Variants in TMEM254 observed in about 807,000 individuals in gnomAD.
TMEM254 encodes the protein transmembrane protein C10orf57.
In TMEM254, 16 loss-of-function variants were observed where a neutral mutation model predicts 13.9. That is an observed-to-expected ratio of 1.15 (90% CI 0.78 to 1.75). The LOEUF (loss-of-function observed/expected upper bound fraction) is 1.75. Among genes scored for constraint, TMEM254 ranks in the 40% most tolerant of loss-of-function variants. The pLI is 0.00. For missense variants in TMEM254, 155 were observed against 149.0 expected (o/e 1.04, Z -0.21); for synonymous variants, 61 against 56.4 (o/e 1.08, Z -0.36).
chr10:80,081,584 A>G, intron 1 of TMEM254: 1 of 1,125,700 alleles, frequency 8.9e-7, no homozygotes, highest in Non-Finnish European at 1.3e-6. Flanking sequence ...GGGAGGATGG[A>G]TTGAGCCCAG....
intron 1 of TMEM254, among the ~76,000 whole-genome samples, chr10:80,080,679 C>T (rs1843954088): frequency 6.6e-6 from 1 of 152,276 alleles, no homozygotes; most frequent in South Asian, 2.1e-4. Flanking sequence ...TGGTTCACCC[C>T]TGTAATCCCA....
chr10:80,088,035 G>A lies in TMEM254; in HGVS notation c.252-2762G>A, dbSNP rs113774439. Among the ~76,000 whole-genome samples the A allele has an allele frequency of 4.8e-3, 729 of 151,920 alleles. 8 individuals are homozygous for A. The highest frequency in any genetic ancestry group is 0.017 in the African/African-American group (690 of 41,412). On this transcript the variant is annotated intron_variant, in intron 3 of 3. Coordinates refer to ENST00000372281, the MANE Select transcript of TMEM254 (RefSeq NM_025125.4). ...TTTTTCTTTCACATTTAAGTTTTCA[G>A]TCTACTTAGATCTTATTTTTTTTTA...
Position 80,092,167 on chromosome 10 carries a change from C to T in TMEM254, c.*1250C>T, listed in dbSNP as rs1214182008. ...CTGCTTGCTTTCTGGGGACACTAGC[C>T]CTCATTTCCCTTCTGTGGTACAGTG... On this transcript the variant is annotated 3_prime_UTR_variant, in exon 4 of 4. Transcript: ENST00000372281. The T allele has an allele frequency of 6.6e-6, 1 of 152,172 alleles. No homozygotes were observed. Among genetic ancestry groups the T allele is most frequent in the Non-Finnish European group, 1.5e-5 (1 of 68,034 alleles). The allele number at this position is 152,172 out of a possible 1,614,324, so 9.4% of individuals were successfully genotyped here.
Position 80,081,912 on chromosome 10 carries a change from G to C in TMEM254, c.159G>C (p.Leu53Phe). 2 of 1,614,124 alleles carry C rather than the reference G, an allele frequency of 1.2e-6. No individual in the cohort carries two copies. The highest frequency in any genetic ancestry group is 4.5e-5 in the East Asian group (2 of 44,872). ...CCCTGGGCCCCTTCACTCAGTACTTGGTGGACCACCATCACACCCTCCTGT... is the reference window on the plus strand; with the variant it reads ...CCCTGGGCCCCTTCACTCAGTACTTCGTGGACCACCATCACACCCTCCTGT... ...LGPLGPFTQY[L>F]VDHHHTLLCN... The change falls in exon 2 of 4, where the codon TTG becomes TTC. Residue 53 changes from leucine to phenylalanine, a missense_variant. Transcript: ENST00000372281.
chr10:80,079,027 TG>T, intron 1 of TMEM254: 1 of 1,518,606 alleles, frequency 6.6e-7, no homozygotes, highest in Middle Eastern at 1.7e-4. Flanking sequence ...TTTTCTTATA[TG>T]GGGGCGGGGA....
At chr10:80,090,720 T>C (rs754884315) in intron 3 of TMEM254, 77 bp from the exon 4 acceptor site, 16 of 1,381,902 alleles carry the variant, frequency 1.2e-5, no homozygotes, top group African/African-American at 1.0e-4. Flanking sequence ...TTAAAAAATA[T>C]ATATATAGAA....
intron 3 of TMEM254, among the ~76,000 whole-genome samples, chr10:80,087,486 T>TGC (rs1844372279): frequency 1.1e-5 from 1 of 93,426 alleles, no homozygotes; most frequent in Admixed American, 1.0e-4. Context: ...CCACTAAAAA[T>TGC]ACAAAAAAAA....
At chr10:80,086,276 A>G (rs1344313375) in intron 3 of TMEM254, 1 of 1,468,650 alleles carries the variant, frequency 6.8e-7, no homozygotes, top group Non-Finnish European at 9.0e-7. Context: ...AATGAGAACA[A>G]GTTATGATGA....
At chr10:80,081,338 C>G (rs1459691563) in intron 1 of TMEM254, among the ~76,000 whole-genome samples, 3 of 152,084 alleles carry the variant, frequency 2.0e-5, no homozygotes, top group African/African-American at 7.2e-5. Flanking sequence ...CACATACTTT[C>G]CTCAGCATAA....
In TMEM254 at chr10:80,081,884, G is replaced by A. The variant is rs780162934; in HGVS notation, c.131G>A (p.Gly44Glu). 2.5e-6 allele frequency: 4 copies of A among 1,614,112 alleles called. No homozygotes were observed. The highest frequency in any genetic ancestry group is 4.5e-5 in the East Asian group (2 of 44,880). The change falls in exon 2 of 4, where the codon GGG becomes GAG. Residue 44 changes from glycine to glutamate, a missense_variant. By Grantham distance (98) the Gly-to-Glu change is moderately conservative. Coordinates refer to ENST00000372281, the MANE Select transcript of TMEM254 (RefSeq NM_025125.4). ...WPQSIPYQNL[G>E]PLGPFTQYLV... Reference sequence around the variant, plus strand: ...CAGAGTATCCCTTATCAGAACCTTGGGCCCCTGGGCCCCTTCACTCAGTAC... The same window carrying A: ...CAGAGTATCCCTTATCAGAACCTTGAGCCCCTGGGCCCCTTCACTCAGTAC...
chr10:80,081,006 C>T (rs951814359), intron 1 of TMEM254, among the ~76,000 whole-genome samples: 2 of 152,128 alleles, frequency 1.3e-5, no homozygotes, highest in South Asian at 2.1e-4. Context: ...TTTGAATCCG[C>T]GAGGCGGAGG....
intron 1 of TMEM254, chr10:80,079,062 T>G: frequency 6.8e-7 from 1 of 1,465,532 alleles, no homozygotes; most frequent in Non-Finnish European, 9.2e-7. Context: ...CCCAGCCAAC[T>G]CTGTGTCTGG....
chr10:80,080,068 A>G (rs1564566361), intron 1 of TMEM254, among the ~76,000 whole-genome samples: 1 of 152,150 alleles, frequency 6.6e-6, no homozygotes, highest in Non-Finnish European at 1.5e-5. Flanking sequence ...CCATATGTAC[A>G]ATGGAGGTGT....
At chr10:80,086,809 C>G (rs1340660270) in intron 3 of TMEM254, among the ~76,000 whole-genome samples, 1 of 148,094 alleles carries the variant, frequency 6.8e-6, no homozygotes, top group Non-Finnish European at 1.5e-5. Context: ...CGACTGCACT[C>G]CAGCCTGGGC....
intron 3 of TMEM254, chr10:80,086,325 C>A: frequency 2.4e-6 from 3 of 1,227,614 alleles, no homozygotes; most frequent in South Asian, 2.0e-5. Context: ...TAGCCACCAA[C>A]TGTGACCCTT....
chr10:80,080,710 G>A (rs113780883), intron 1 of TMEM254, among the ~76,000 whole-genome samples: 127 of 152,034 alleles, frequency 8.4e-4, no homozygotes, highest in African/African-American at 3.0e-3. Context: ...AGGCCGAGGC[G>A]GGCAAATCGC....
chr10:80,085,561 T>C (rs1363779256), intron 3 of TMEM254, among the ~76,000 whole-genome samples: 4 of 151,010 alleles, frequency 2.6e-5, no homozygotes, highest in African/African-American at 9.8e-5. Context: ...AGTGAGACTC[T>C]GTCTCAAAAA....
At chr10:80,083,216 G>A (rs2132280915) in intron 3 of TMEM254, among the ~76,000 whole-genome samples, 1 of 148,462 alleles carries the variant, frequency 6.7e-6, no homozygotes, top group African/African-American at 2.5e-5. Context: ...AAACGATTCT[G>A]CCTCAGCTTC....
At chr10:80,087,663 G>T (rs1326701233) in intron 3 of TMEM254, among the ~76,000 whole-genome samples, 1 of 151,884 alleles carries the variant, frequency 6.6e-6, no homozygotes, top group African/African-American at 2.4e-5. Flanking sequence ...AAAATAAAAC[G>T]AATGACTACT....
Sources: gnomAD v4.1 joint callset for allele counts (sites outside exome capture counted in the v4.1 genomes callset) on GRCh38, gnomAD v4.1.1 for gene constraint, MANE v1.5 for transcripts, NCBI Gene and HGNC (gene_info 2026-07-23, HGNC 2026-07-21) for gene names.